The following XYLT1 variants were observed in gnomAD, a reference collection of about 807,000 sequenced individuals.
The protein encoded by XYLT1 is xylosyltransferase 1, also known as beta-D-xylosyltransferase 1.
A neutral mutation model predicts 91.3 loss-of-function variants in XYLT1; 36 were observed. That is an observed-to-expected ratio of 0.39 (90% confidence interval 0.30 to 0.52). The LOEUF is 0.52. XYLT1 is among the 20% of genes least tolerant of loss of function. XYLT1 has a pLI of 0.68. For missense variants in XYLT1, 1,242 were observed against 1,284.5 expected, an observed-to-expected ratio of 0.97 and a Z score of 0.51; for synonymous variants, 588 against 532.0, an observed-to-expected ratio of 1.11 and a Z score of -1.45.
chr16:17,325,382 C>G (rs2034784639), intron 2 of XYLT1, among the ~76,000 whole-genome samples: 2 of 152,212 alleles, frequency 1.3e-5, no homozygotes, highest in African/African-American at 4.8e-5. Flanking sequence ...GCCTGGGCGA[C>G]AGAGCGAGAC....
Position 17,117,909 on chromosome 16 carries a change from T to C in XYLT1, c.2294A>G (p.Glu765Gly), listed in dbSNP as rs1358328447. Reference protein sequence around the residue: ...NFGGLLGPMDEPVGMQKWGKG... With the variant: ...NFGGLLGPMDGPVGMQKWGKG... ...CCCCCACTTCTGCATACCCACCGGC[T>C]CATCCATGGGCCCCAGAAGACCCCC... The change falls in exon 11 of 12, where the codon GAG becomes GGG. Residue 765 changes from glutamate (E) to glycine (G), a missense_variant. Physicochemically the swap from Glu to Gly is moderately conservative, Grantham distance 98. Around this residue, in one of 3 missense-constraint regions of XYLT1, gnomAD observed 511 missense variants for 497.0 expected, o/e 1.03. Coordinates refer to ENST00000261381, the MANE Select transcript of XYLT1 (RefSeq NM_022166.4). 1 of 1,613,996 alleles carries C rather than the reference T, an allele frequency of 6.2e-7. No individual in the cohort carries two copies. The highest frequency in any genetic ancestry group is 1.3e-5 in the African/African-American group (1 of 74,896).
At position 17,106,890 on chromosome 16, in the gene XYLT1, T is replaced by C. The variant is rs1966784553; in HGVS notation, c.*1805A>G. On this transcript the variant is annotated 3_prime_UTR_variant, in exon 12 of 12. Transcript: ENST00000261381. ...GGAAGATGCGGGTTGGAGCTTTCTT[T>C]GCGTGGTGTTCGATGCCCCTGCTTT... 6.6e-6 allele frequency: 1 copy of C among 152,042 alleles called. No individual in the cohort carries two copies. Among genetic ancestry groups the C allele is most frequent in the Non-Finnish European group, 1.5e-5 (1 of 68,030 alleles). The allele number at this position is 152,042 out of a possible 1,614,324, so 9.4% of individuals were successfully genotyped here. A position where few individuals can be genotyped will look rare whatever the true frequency, so the allele number is the denominator to read the frequency against.
At chr16:17,275,345 C>T (rs1439336490) in intron 2 of XYLT1, among the ~76,000 whole-genome samples, 3 of 152,194 alleles carry the variant, frequency 2.0e-5, no homozygotes, top group Admixed American at 6.5e-5. Context: ...CTCCTGTGGG[C>T]TGTTAACAAC....
At chr16:17,342,531 G>A (rs1315278250) in intron 2 of XYLT1, among the ~76,000 whole-genome samples, 5 of 152,020 alleles carry the variant, frequency 3.3e-5, no homozygotes, top group African/African-American at 1.2e-4. Flanking sequence ...AGACCAGCCG[G>A]GCCAACATGG....
chr16:17,219,185 G>C (rs1027493940), intron 3 of XYLT1, among the ~76,000 whole-genome samples: 1 of 149,058 alleles, frequency 6.7e-6, no homozygotes, highest in Non-Finnish European at 1.5e-5. Context: ...AGGAGGCTGA[G>C]GCACAAGAAT....
chr16:17,135,852 CACAG>C (rs1401904950), intron 8 of XYLT1, among the ~76,000 whole-genome samples: 27 of 152,158 alleles, frequency 1.8e-4, no homozygotes, highest in South Asian at 2.1e-4. Context: ...TAAAAGCAGC[CACAG>C]ACAGACAAGA....
At chr16:17,465,556 T>TGGG (rs68156050) in intron 1 of XYLT1, among the ~76,000 whole-genome samples, 35 of 101,126 alleles carry the variant, frequency 3.5e-4, no homozygotes, top group Non-Finnish European at 6.6e-4. Flanking sequence ...TGTTTTTTTT[T>TGGG]GGGGGGGGGG....
intron 3 of XYLT1, among the ~76,000 whole-genome samples, chr16:17,248,538 G>C (rs7194079): frequency 0.49 from 73,743 of 151,852 alleles, 20,649 homozygotes; most frequent in African/African-American, 0.77. Context: ...TTGCTTATAG[G>C]AAGAGCTCCC....
intron 9 of XYLT1, 95 bp downstream of exon 9, chr16:17,134,378 C>T (rs1453692097): frequency 6.7e-7 from 1 of 1,497,398 alleles, no homozygotes; most frequent in Non-Finnish European, 9.0e-7. Flanking sequence ...CATTGCATTG[C>T]AGATCCCTAA....
At chr16:17,126,906 C>A (rs2030281401) in intron 10 of XYLT1, among the ~76,000 whole-genome samples, 2 of 152,174 alleles carry the variant, frequency 1.3e-5, no homozygotes, top group African/African-American at 4.8e-5. Flanking sequence ...AAGAGGGAGA[C>A]ACAGTTCCAG....
At chr16:17,229,131 G>A (rs945585398) in intron 3 of XYLT1, among the ~76,000 whole-genome samples, 4 of 152,080 alleles carry the variant, frequency 2.6e-5, no homozygotes, top group Admixed American at 6.5e-5. Context: ...CACCAAGCCC[G>A]GCTAATTTTT....
rs1454131453 is a variant in XYLT1, at chr16:17,104,232, C to T, written c.*4463G>A. ...ATTTGGAGAGAGCCTGGCTGTTTCA[C>T]ACCCTACCTCCTCCTCCTCCTAGAC... is the stretch of plus-strand genomic sequence containing the variant. On this transcript the variant is annotated 3_prime_UTR_variant, in exon 12 of 12. Transcript: ENST00000261381. 6.5e-6 allele frequency: 1 copy of T among 152,800 alleles called. No homozygotes were observed. Among genetic ancestry groups the T allele is most frequent in the Non-Finnish European group, 1.5e-5 (1 of 68,202 alleles). The allele number at this position is 152,800 out of a possible 1,614,324, so 9.5% of individuals were successfully genotyped here.
chr16:17,261,280 C>G (rs1484065147), intron 2 of XYLT1, among the ~76,000 whole-genome samples: 1 of 149,848 alleles, frequency 6.7e-6, no homozygotes, highest in Non-Finnish European at 1.5e-5. Flanking sequence ...CCTCTAGCCT[C>G]TGCTCCATTG....
intron 2 of XYLT1, among the ~76,000 whole-genome samples, chr16:17,348,032 A>G (rs777403584): frequency 6.6e-5 from 10 of 151,932 alleles, no homozygotes; most frequent in African/African-American, 9.7e-5. Context: ...CCACCTTCCT[A>G]TCTCCTACCA....
chr16:17,107,580 C>T lies in XYLT1; in HGVS notation c.*1115G>A, dbSNP rs7192758. 0.087 allele frequency: 13,290 copies of T among 152,684 alleles called. 1,839 individuals are homozygous for T. The highest frequency in any genetic ancestry group is 0.29 in the African/African-American group (12,245 of 41,518). 9.5% of individuals were successfully genotyped at this position (152,684 alleles called of 1,614,324 possible). A position where few individuals can be genotyped will look rare whatever the true frequency, so the allele number is the denominator to read the frequency against. On this transcript the variant is annotated 3_prime_UTR_variant, in exon 12 of 12. Transcript: ENST00000261381. Reference sequence around the variant, plus strand: ...CAAATCTGAAATGCTATTTCCTGGACGGGAAAAGTCTGGTTCATGTGGTTT... The same window carrying T: ...CAAATCTGAAATGCTATTTCCTGGATGGGAAAAGTCTGGTTCATGTGGTTT...
intron 1 of XYLT1, among the ~76,000 whole-genome samples, chr16:17,370,591 C>A (rs2141874163): frequency 6.6e-6 from 1 of 152,318 alleles, no homozygotes; most frequent in South Asian, 2.1e-4. Context: ...GCAGTGGCCT[C>A]TGTTTAGCCA....
At chr16:17,297,457 T>C (rs967563117) in intron 2 of XYLT1, among the ~76,000 whole-genome samples, 18 of 151,924 alleles carry the variant, frequency 1.2e-4, no homozygotes, top group African/African-American at 4.1e-4. Context: ...GGAGAACGCC[T>C]GTAATCCCAG....
chr16:17,468,192 G>A (rs185895635), intron 1 of XYLT1, among the ~76,000 whole-genome samples: 64 of 152,302 alleles, frequency 4.2e-4, no homozygotes, highest in Non-Finnish European at 7.1e-4. Flanking sequence ...GAGTAGGACA[G>A]ACCCCGGGCT....
intron 1 of XYLT1, among the ~76,000 whole-genome samples, chr16:17,456,279 C>T (rs1306990246): frequency 6.6e-6 from 1 of 151,438 alleles, no homozygotes; most frequent in Non-Finnish European, 1.5e-5. Flanking sequence ...ATTCAGTTCA[C>T]TCACTGCTAG....
Sources: allele counts gnomAD v4.1 joint callset (sites outside exome capture counted in the v4.1 genomes callset), GRCh38; gene constraint gnomAD v4.1.1; regional missense constraint gnomAD v4.1.1; transcripts MANE v1.5; gene names NCBI Gene and HGNC (gene_info 2026-07-23, HGNC 2026-07-21).